NNT: variants seen among roughly 807,000 people sequenced by gnomAD.
NNT encodes NAD(P) transhydrogenase, mitochondrial.
A neutral mutation model predicts 104.8 loss-of-function variants in NNT; 50 were observed. The observed-to-expected ratio is 0.48, with a 90% CI of 0.38 to 0.60. The LOEUF is 0.60. Ranked by LOEUF, NNT falls within the 20% of genes least tolerant of loss-of-function variation. The pLI is 0.00. For missense variants in NNT, 1,131 were observed against 1,330.7 expected, an observed-to-expected ratio of 0.85 and a Z score of 2.33; for synonymous variants, 461 against 490.4, an observed-to-expected ratio of 0.94 and a Z score of 0.79.
At chr5:43,702,600 C>CT in intron 20 of NNT, 21 bp from the exon 21 acceptor site, 2 of 1,459,148 alleles carry the variant, frequency 1.4e-6, no homozygotes, top group Non-Finnish European at 1.9e-6. Context: ...TATATTCTTT[C>CT]TTTTTTGTTT....
intron 17 of NNT, among the ~76,000 whole-genome samples, chr5:43,674,801 A>G (rs1320468607): frequency 6.6e-6 from 1 of 152,230 alleles, no homozygotes; most frequent in Non-Finnish European, 1.5e-5. Context: ...TTGAGTGATT[A>G]TAAATGAGCA....
intron 14 of NNT, 41 bp from the exon 15 acceptor site, chr5:43,655,799 A>C: frequency 6.9e-7 from 1 of 1,458,668 alleles, no homozygotes; most frequent in Non-Finnish European, 9.6e-7. Context: ...ACTTCTCAAA[A>C]GTTTGTCAAG....
In NNT at chr5:43,702,607, GT is replaced by G; in HGVS notation, c.2996-10del. 6.7e-7 allele frequency: 1 copy of G among 1,496,594 alleles called. No homozygotes were observed. The highest frequency in any genetic ancestry group is 1.3e-5 in the South Asian group (1 of 78,340). 92.7% of individuals were successfully genotyped at this position (1,496,594 alleles called of 1,614,324 possible). On this transcript the variant is annotated splice_polypyrimidine_tract_variant and intron_variant, in intron 20 of 21. Coordinates refer to ENST00000344920, the MANE Select transcript of NNT (RefSeq NM_182977.3). ...TTGAGTTTTATATTCTTTCTTTTTT[GT>G]TTTATTATATAGATACTGATTTGGT...
At chr5:43,656,625 A>G in intron 15 of NNT, 28 bp from the exon 16 acceptor site, 2 of 1,571,534 alleles carry the variant, frequency 1.3e-6, no homozygotes, top group Admixed American at 1.9e-5. Context: ...CACATTCTGA[A>G]TTGTAACTAC....
intron 17 of NNT, chr5:43,667,229 C>T: frequency 4.7e-6 from 5 of 1,056,122 alleles, no homozygotes; most frequent in East Asian, 2.4e-5. Flanking sequence ...TTGGACTTGG[C>T]CATGTCTGCA....
chr5:43,665,956 G>C (rs1190954461), intron 17 of NNT, among the ~76,000 whole-genome samples: 2 of 151,848 alleles, frequency 1.3e-5, no homozygotes, highest in Non-Finnish European at 2.9e-5. Flanking sequence ...TCCCAGACGG[G>C]GTCGCGCCCC....
Position 43,706,534 on chromosome 5 carries a change from T to G in NNT, c.*2130T>G, listed in dbSNP as rs896043195. 5.3e-5 allele frequency: 8 copies of G among 152,156 alleles called. No individual in the cohort carries two copies. Among genetic ancestry groups the G allele is most frequent in the African/African-American group, 2.4e-5 (1 of 41,450 alleles). 9.4% of individuals were successfully genotyped at this position (152,156 alleles called of 1,614,324 possible). A position where few individuals can be genotyped will look rare whatever the true frequency, so the allele number is the denominator to read the frequency against. On this transcript the variant is annotated 3_prime_UTR_variant, in exon 22 of 22. Coordinates refer to ENST00000344920, the MANE Select transcript of NNT (RefSeq NM_182977.3). Reference sequence around the variant, plus strand: ...TTTGTCTTTAAGGGCTTGTTAACTATCCTTTATTTTCTCATTTGTCTTAAA... The same window carrying G: ...TTTGTCTTTAAGGGCTTGTTAACTAGCCTTTATTTTCTCATTTGTCTTAAA...
chr5:43,651,408 T>A (rs975796950), intron 12 of NNT, among the ~76,000 whole-genome samples: 2 of 151,476 alleles, frequency 1.3e-5, no homozygotes, highest in South Asian at 2.1e-4. Flanking sequence ...GAAACCCCCC[T>A]CTCTACTAAA....
chr5:43,649,006 A>ATT, intron 10 of NNT, 141 bp from the exon 11 acceptor site: 1 of 956,654 alleles, frequency 1.0e-6, no homozygotes, highest in Non-Finnish European at 1.6e-6. Context: ...CAACTGTCAA[A>ATT]TGTCTAAAAA....
chr5:43,619,959 C>G (rs555313583), intron 5 of NNT, among the ~76,000 whole-genome samples: 9 of 151,928 alleles, frequency 5.9e-5, no homozygotes, highest in Admixed American at 1.3e-4. Context: ...ACTGAGGGAG[C>G]CAGGCTCTTC....
At chr5:43,704,131 T>C (rs893186066) in intron 21 of NNT, 124 bp from the exon 22 acceptor site, 20 of 699,168 alleles carry the variant, frequency 2.9e-5, no homozygotes, top group Non-Finnish European at 4.5e-5. Context: ...TTAAAGTCCC[T>C]GCACTAAAGA....
At chr5:43,669,949 C>G (rs1300458853) in intron 17 of NNT, among the ~76,000 whole-genome samples, 1 of 152,042 alleles carries the variant, frequency 6.6e-6, no homozygotes, top group Non-Finnish European at 1.5e-5. Flanking sequence ...ATTATTGCCT[C>G]AATTTCAGAG....
At chr5:43,660,349 C>T (rs1304699818) in intron 17 of NNT, among the ~76,000 whole-genome samples, 1 of 152,142 alleles carries the variant, frequency 6.6e-6, no homozygotes, top group Non-Finnish European at 1.5e-5. Context: ...ACTAATACTT[C>T]CTAGCTTTTC....
chr5:43,673,030 A>C (rs192140956), intron 17 of NNT, among the ~76,000 whole-genome samples: 4 of 152,204 alleles, frequency 2.6e-5, no homozygotes, highest in African/African-American at 9.6e-5. Flanking sequence ...GTTCGATCTC[A>C]GGCTGCTGTG....
chr5:43,627,304 C>T (rs1750424741), intron 6 of NNT, among the ~76,000 whole-genome samples: 1 of 152,180 alleles, frequency 6.6e-6, no homozygotes, highest in Non-Finnish European at 1.5e-5. Context: ...ATGATGGTTG[C>T]TAGGGATTTA....
chr5:43,609,823 T>C (rs532491273), intron 2 of NNT, among the ~76,000 whole-genome samples: 19 of 152,296 alleles, frequency 1.2e-4, no homozygotes, highest in African/African-American at 4.6e-4. Flanking sequence ...CTAGTAGGTA[T>C]AGGTCAGCTC....
intron 16 of NNT, among the ~76,000 whole-genome samples, chr5:43,658,960 AT>A (rs920570794): frequency 4.0e-5 from 6 of 150,092 alleles, no homozygotes; most frequent in South Asian, 2.1e-4. Flanking sequence ...AAATGTAGGG[AT>A]TTTTTTTTAG....
intron 7 of NNT, among the ~76,000 whole-genome samples, chr5:43,633,040 T>A (rs1750760371): frequency 6.6e-6 from 1 of 152,174 alleles, no homozygotes; most frequent in Non-Finnish European, 1.5e-5. Flanking sequence ...ACATGCTAAG[T>A]CCTATACCTT....
At chr5:43,680,084 T>C (rs1048380610) in intron 19 of NNT, among the ~76,000 whole-genome samples, 2 of 152,064 alleles carry the variant, frequency 1.3e-5, no homozygotes, top group Non-Finnish European at 2.9e-5. Flanking sequence ...TTGAATTAAA[T>C]GGAAGAGGAC....
Sources: gnomAD v4.1 joint callset for allele counts (sites outside exome capture counted in the v4.1 genomes callset) on GRCh38, gnomAD v4.1.1 for gene constraint, MANE v1.5 for transcripts, NCBI Gene and HGNC (gene_info 2026-07-23, HGNC 2026-07-21) for gene names.